The following ATRNL1 variants were observed in gnomAD, a reference collection of about 807,000 sequenced individuals.
ATRNL1 encodes the protein attractin-like protein 1.
Under a neutral mutation model 182.7 loss-of-function variants are expected in ATRNL1, and 95 were observed. That is an observed-to-expected ratio of 0.52 (90% CI 0.44 to 0.62). The LOEUF (loss-of-function observed/expected upper bound fraction) is 0.62. ATRNL1 is among the 20% of genes least tolerant of loss of function. The pLI, the probability that ATRNL1 is intolerant of heterozygous loss-of-function variation, is 0.00. For missense variants in ATRNL1, 1,471 were observed against 1,679.5 expected (o/e 0.88, Z 2.17); for synonymous variants, 576 against 568.3 (o/e 1.01, Z -0.19).
chr10:115,434,663 T>G (rs1477863047), intron 21 of ATRNL1, among the ~76,000 whole-genome samples: 1 of 152,204 alleles, frequency 6.6e-6, no homozygotes, highest in Non-Finnish European at 1.5e-5. Flanking sequence ...AAAATTGATA[T>G]AAAAATTTTA....
At chr10:115,453,979 T>C (rs2134497782) in intron 21 of ATRNL1, among the ~76,000 whole-genome samples, 1 of 152,180 alleles carries the variant, frequency 6.6e-6, no homozygotes, top group Non-Finnish European at 1.5e-5. Flanking sequence ...AGAAATCCAT[T>C]GTGAAGTTCT....
chr10:115,260,070 G>A (rs1851331345), intron 10 of ATRNL1, among the ~76,000 whole-genome samples: 2 of 152,086 alleles, frequency 1.3e-5, no homozygotes, highest in Non-Finnish European at 2.9e-5. Context: ...TGTATTGAAA[G>A]GCAAATAACT....
chr10:115,414,270 G>A (rs1365544444), intron 20 of ATRNL1, among the ~76,000 whole-genome samples: 1 of 151,906 alleles, frequency 6.6e-6, no homozygotes, highest in Non-Finnish European at 1.5e-5. Flanking sequence ...GGAGTATGTA[G>A]TCAAATTTTG....
At chr10:115,933,490 C>T (rs1037208230) in intron 28 of ATRNL1, among the ~76,000 whole-genome samples, 3 of 152,168 alleles carry the variant, frequency 2.0e-5, no homozygotes, top group African/African-American at 7.2e-5. Flanking sequence ...ACTCTGCTGC[C>T]GCCCACAAGC....
chr10:115,313,390 A>G (rs1854133582), intron 17 of ATRNL1, among the ~76,000 whole-genome samples: 1 of 152,054 alleles, frequency 6.6e-6, no homozygotes, highest in African/African-American at 2.4e-5. Flanking sequence ...TCAGTCATGA[A>G]GGCTCTGTAT....
At chr10:115,439,101 A>G (rs552115556) in intron 21 of ATRNL1, among the ~76,000 whole-genome samples, 2 of 152,102 alleles carry the variant, frequency 1.3e-5, no homozygotes, top group African/African-American at 4.8e-5. Context: ...AGAAAATAAT[A>G]AGGAAGAGAA....
chr10:115,809,304 T>C (rs1949993276), intron 27 of ATRNL1, among the ~76,000 whole-genome samples: 1 of 80,204 alleles, frequency 1.2e-5, no homozygotes, highest in Non-Finnish European at 2.4e-5. Flanking sequence ...TTGGCTATTC[T>C]AGATCCTCTG....
intron 20 of ATRNL1, among the ~76,000 whole-genome samples, chr10:115,423,166 T>C (rs1463448348): frequency 2.6e-5 from 4 of 152,172 alleles, no homozygotes; most frequent in African/African-American, 9.7e-5. Flanking sequence ...GTCATTATTA[T>C]ACAATGTATG....
chr10:115,646,798 ATTTTT>A (rs1215496222), intron 26 of ATRNL1, among the ~76,000 whole-genome samples: 2 of 151,712 alleles, frequency 1.3e-5, no homozygotes, highest in Non-Finnish European at 2.9e-5. Context: ...GCATGTATGA[ATTTTT>A]TTTATTATAC....
chr10:115,456,102 A>C (rs1191450320), intron 21 of ATRNL1, among the ~76,000 whole-genome samples: 2 of 152,200 alleles, frequency 1.3e-5, no homozygotes, highest in African/African-American at 4.8e-5. Context: ...CTAAATCTAG[A>C]AATACCATTT....
chr10:115,753,348 C>T (rs1948501035), intron 27 of ATRNL1, among the ~76,000 whole-genome samples: 1 of 151,982 alleles, frequency 6.6e-6, no homozygotes, highest in Admixed American at 6.6e-5. Context: ...CCAACAGGCC[C>T]CAGTGTGTGA....
At chr10:115,142,516 C>T (rs1270371488) in intron 5 of ATRNL1, among the ~76,000 whole-genome samples, 1 of 152,098 alleles carries the variant, frequency 6.6e-6, no homozygotes, top group Non-Finnish European at 1.5e-5. Context: ...AAGGATGGAG[C>T]TATATCAGCT....
intron 28 of ATRNL1, among the ~76,000 whole-genome samples, chr10:115,883,655 T>C (rs1951878662): frequency 6.6e-6 from 1 of 152,236 alleles, no homozygotes; most frequent in South Asian, 2.1e-4. Context: ...TGGTTTCATA[T>C]GAAGTTTTTT....
Position 115,515,169 on chromosome 10 carries a change from T to C in ATRNL1, c.3655-4094T>C, listed in dbSNP as rs373602114. On this transcript the variant is annotated intron_variant, in intron 24 of 28. Transcript: ENST00000355044. ...TCCAGTTAATACCTTTTTGAAACTT[T>C]TGAGTTTTCCTATTGATTCCCTCTT... Among the ~76,000 whole-genome samples, 40 of 151,982 alleles carry C rather than the reference T, an allele frequency of 2.6e-4. 1 individual carries two copies. In the South Asian group the frequency reaches 8.1e-3, roughly 31 times the overall value.
intron 26 of ATRNL1, among the ~76,000 whole-genome samples, chr10:115,687,973 A>C (rs182322071): frequency 2.0e-5 from 3 of 152,016 alleles, no homozygotes; most frequent in African/African-American, 7.2e-5. Context: ...CCCGCTCCCC[A>C]CTGCAACCCT....
intron 8 of ATRNL1, among the ~76,000 whole-genome samples, chr10:115,190,549 T>C (rs1171746269): frequency 6.6e-6 from 1 of 152,144 alleles, no homozygotes; most frequent in East Asian, 1.9e-4. Flanking sequence ...CCCTATAATT[T>C]GTACTTATAA....
intron 27 of ATRNL1, among the ~76,000 whole-genome samples, chr10:115,780,244 C>T (rs938370776): frequency 7.9e-5 from 12 of 152,158 alleles, no homozygotes; most frequent in African/African-American, 7.2e-5. Flanking sequence ...TCAGCCAGCA[C>T]GCACAGAGGG....
chr10:115,094,576 G>C (rs1554862680), intron 1 of ATRNL1, among the ~76,000 whole-genome samples: 1 of 152,078 alleles, frequency 6.6e-6, no homozygotes, highest in African/African-American at 2.4e-5. Context: ...GTTTATGATG[G>C]ACTTGCTAAG....
chr10:115,179,688 G>T (rs1161340465), intron 8 of ATRNL1, among the ~76,000 whole-genome samples: 2 of 152,110 alleles, frequency 1.3e-5, no homozygotes, highest in Non-Finnish European at 2.9e-5. Flanking sequence ...TGGAAGTTGA[G>T]AGGAAGAAGT....
Sources: allele counts gnomAD v4.1 joint callset (sites outside exome capture counted in the v4.1 genomes callset), GRCh38; gene constraint gnomAD v4.1.1; transcripts MANE v1.5; gene names NCBI Gene and HGNC (gene_info 2026-07-23, HGNC 2026-07-21).